SHB: variants seen among roughly 807,000 people sequenced by gnomAD.
SHB encodes the protein SH2 domain containing adaptor protein B, also known as SH2 domain-containing adapter protein B.
SHB carries 20 observed loss-of-function variants against 52.3 expected under a neutral mutation model. The observed-to-expected ratio is 0.38, with a 90% CI of 0.27 to 0.56. The LOEUF (loss-of-function observed/expected upper bound fraction) is 0.56, where lower values mean the gene tolerates loss of function less well. Ranked by LOEUF, SHB falls within the 20% of genes least tolerant of loss-of-function variation. The pLI is 0.71. For missense variants in SHB, 825 were observed against 723.3 expected (o/e 1.14, Z -1.61); for synonymous variants, 397 against 316.5 (o/e 1.25, Z -2.70).
intron 3 of SHB, among the ~76,000 whole-genome samples, chr9:37,970,579 T>C (rs1314602218): frequency 6.6e-6 from 1 of 152,172 alleles, no homozygotes; most frequent in Non-Finnish European, 1.5e-5. Context: ...TTTTGCTTCA[T>C]AGATGGATGG....
chr9:37,974,907 A>C, intron 2 of SHB, 70 bp from the exon 3 acceptor site: 1 of 1,279,262 alleles, frequency 7.8e-7, no homozygotes, highest in Non-Finnish European at 1.1e-6. Flanking sequence ...TCCCACCCAG[A>C]AACACCACAA....
chr9:37,983,864 G>GGGGCTGCCCCTCGCCAACCTCC (rs1554702747), intron 2 of SHB, among the ~76,000 whole-genome samples: 1 of 152,200 alleles, frequency 6.6e-6, no homozygotes, highest in Non-Finnish European at 1.5e-5. Flanking sequence ...GCCACTTAGC[G>GGGGCTGCCCCTCGCCAACCTCC]GGGCTGCCCC....
intron 1 of SHB, among the ~76,000 whole-genome samples, chr9:38,059,850 G>A (rs932022737): frequency 3.3e-5 from 5 of 152,146 alleles, no homozygotes; most frequent in African/African-American, 4.8e-5. Flanking sequence ...TCCTCCCCAT[G>A]AGCCTCTGTT....
At chr9:37,938,617 G>A (rs1587200831) in intron 5 of SHB, among the ~76,000 whole-genome samples, 3 of 152,334 alleles carry the variant, frequency 2.0e-5, no homozygotes, top group Non-Finnish European at 4.4e-5. Context: ...AGCCGCACAG[G>A]CAGATTTATG....
intron 1 of SHB, among the ~76,000 whole-genome samples, chr9:38,039,439 C>G (rs1821540742): frequency 6.6e-6 from 1 of 152,280 alleles, no homozygotes; most frequent in Non-Finnish European, 1.5e-5. Context: ...AAGAAGTCTG[C>G]AAGATCCGAA....
Position 37,950,095 on chromosome 9 carries a change from T to C in SHB, c.1227-1341A>G, listed in dbSNP as rs570680566. 7.2e-5 allele frequency among the ~76,000 whole-genome samples: 11 copies of C among 152,234 alleles called. No homozygotes were observed. The South Asian group carries it at 2.1e-3, about 29-fold the overall frequency. ...CTGGGACTACAGGTGCGTGCCACCA[T>C]ACCTGGCTATTTTAAAATCTTTTCT... On this transcript the variant is annotated intron_variant, in intron 4 of 5. Transcript: ENST00000377707.
chr9:38,061,791 T>C (rs756171771), intron 1 of SHB, among the ~76,000 whole-genome samples: 26 of 152,198 alleles, frequency 1.7e-4, no homozygotes, highest in Admixed American at 7.9e-4. Context: ...CGCCAGTCTC[T>C]TCCTCCAAAC....
At chr9:37,958,957 T>C (rs932891170) in intron 3 of SHB, among the ~76,000 whole-genome samples, 16 of 152,198 alleles carry the variant, frequency 1.1e-4, no homozygotes, top group African/African-American at 3.6e-4. Context: ...GGGAGAGCAC[T>C]GGGGCTAGAC....
intron 2 of SHB, among the ~76,000 whole-genome samples, chr9:37,986,949 C>G (rs1157683019): frequency 6.6e-6 from 1 of 152,222 alleles, no homozygotes; most frequent in Non-Finnish European, 1.5e-5. Flanking sequence ...CTGCTGGGCA[C>G]GGTGCGGTCT....
At chr9:37,999,131 G>C (rs2118035381) in intron 2 of SHB, among the ~76,000 whole-genome samples, 1 of 152,320 alleles carries the variant, frequency 6.6e-6, no homozygotes, top group East Asian at 1.9e-4. Context: ...ATAGGGTGTG[G>C]GATTTGAGGA....
chr9:37,969,249 G>A (rs1226125095), intron 3 of SHB, among the ~76,000 whole-genome samples: 2 of 152,174 alleles, frequency 1.3e-5, no homozygotes, highest in Admixed American at 1.3e-4. Context: ...GTTAGGGCAG[G>A]GGCTCTGGAG....
At chr9:37,964,367 C>T (rs1832726018) in intron 3 of SHB, among the ~76,000 whole-genome samples, 1 of 152,198 alleles carries the variant, frequency 6.6e-6, no homozygotes, top group Admixed American at 6.5e-5. Flanking sequence ...GCGGGCCTGG[C>T]AGAAGGGGCA....
chr9:38,047,879 G>A (rs188974222), intron 1 of SHB, among the ~76,000 whole-genome samples: 36 of 152,282 alleles, frequency 2.4e-4, no homozygotes, highest in Non-Finnish European at 3.5e-4. Context: ...CTGTGGCCCC[G>A]GACACAGACA....
At chr9:37,926,461 C>G (rs1832252250) in intron 5 of SHB, among the ~76,000 whole-genome samples, 1 of 152,208 alleles carries the variant, frequency 6.6e-6, no homozygotes, top group Non-Finnish European at 1.5e-5. Context: ...TGTACCTCTT[C>G]ACAGCAACAC....
intron 3 of SHB, among the ~76,000 whole-genome samples, chr9:37,962,653 C>T (rs1392586359): frequency 6.6e-6 from 1 of 151,856 alleles, no homozygotes; most frequent in East Asian, 1.9e-4. Flanking sequence ...ACTACAGGTG[C>T]ATGCTACCAT....
intron 4 of SHB, among the ~76,000 whole-genome samples, chr9:37,950,805 C>A (rs375609557): frequency 1.3e-5 from 2 of 152,220 alleles, no homozygotes; most frequent in Non-Finnish European, 2.9e-5. Flanking sequence ...TCTTAACCGA[C>A]GGCAGCTGCA....
chr9:37,947,505 C>T (rs546224904), intron 5 of SHB, among the ~76,000 whole-genome samples: 2 of 152,370 alleles, frequency 1.3e-5, no homozygotes, highest in African/African-American at 2.4e-5. Flanking sequence ...TGTCCACATG[C>T]TCTCTCTTCT....
At chr9:38,034,234 G>A (rs7022645) in intron 1 of SHB, among the ~76,000 whole-genome samples, 19,325 of 152,160 alleles carry the variant, frequency 0.13, 2,598 homozygotes, top group African/African-American at 0.33. Flanking sequence ...GTAATAACTT[G>A]CCACCTGTAT....
chr9:37,927,948 CTCT>C (rs373021450), intron 5 of SHB, among the ~76,000 whole-genome samples: 2 of 146,242 alleles, frequency 1.4e-5, no homozygotes, highest in African/African-American at 2.6e-5. Flanking sequence ...TTCTCTTTCT[CTCT>C]TTTTTTTTTT....
Sources: allele counts gnomAD v4.1 joint callset (sites outside exome capture counted in the v4.1 genomes callset), GRCh38; gene constraint gnomAD v4.1.1; transcripts MANE v1.5; gene names NCBI Gene and HGNC (gene_info 2026-07-23, HGNC 2026-07-21).